NRG3: variants seen among roughly 807,000 people sequenced by gnomAD.
The protein encoded by NRG3 is neuregulin 3, also known as pro-neuregulin-3, membrane-bound isoform.
NRG3 carries 31 observed loss-of-function variants against 66.9 expected under a neutral mutation model. That is an observed-to-expected ratio of 0.46 (90% confidence interval 0.35 to 0.63). The LOEUF is 0.63. Ranked by LOEUF, NRG3 falls within the 20% of genes least tolerant of loss-of-function variation. NRG3 has a pLI of 0.00. For missense variants in NRG3, 910 were observed against 878.9 expected (o/e 1.04, Z -0.45); for synonymous variants, 393 against 359.4 (o/e 1.09, Z -1.06).
intron 2 of NRG3, among the ~76,000 whole-genome samples, chr10:82,684,687 G>C (rs2054372334): frequency 6.6e-6 from 1 of 152,080 alleles, no homozygotes; most frequent in Non-Finnish European, 1.5e-5. Context: ...GTAATTAATG[G>C]AGTACAACAC....
At chr10:82,915,164 C>T (rs1445176167) in intron 4 of NRG3, among the ~76,000 whole-genome samples, 1 of 152,208 alleles carries the variant, frequency 6.6e-6, no homozygotes, top group East Asian at 1.9e-4. Flanking sequence ...TTTCTGACTC[C>T]AGCAATGGCT....
chr10:82,506,660 T>C (rs903872225), intron 2 of NRG3, among the ~76,000 whole-genome samples: 1 of 152,120 alleles, frequency 6.6e-6, no homozygotes, highest in African/African-American at 2.4e-5. Context: ...TCTAAATAAA[T>C]CAGCTGTGGA....
At chr10:82,457,918 T>C (rs1453714383) in intron 2 of NRG3, among the ~76,000 whole-genome samples, 3 of 152,192 alleles carry the variant, frequency 2.0e-5, no homozygotes. Context: ...TAGCACCCAC[T>C]GTGGGGTTAC....
intron 2 of NRG3, among the ~76,000 whole-genome samples, chr10:82,628,454 T>A (rs1395056291): frequency 1.3e-5 from 2 of 152,178 alleles, no homozygotes; most frequent in African/African-American, 2.4e-5. Flanking sequence ...GAGTTGGCTC[T>A]CACCATCCCA....
chr10:82,714,851 T>A lies in NRG3; in HGVS notation c.954-23726T>A, dbSNP rs116387198. ...GCCATGACACAGAGAAAAGTCCACA[T>A]CTATTGATTATTAAAAAGAAGGTAG... On this transcript the variant is annotated intron_variant, in intron 2 of 8. Coordinates refer to ENST00000372141, the MANE Select transcript of NRG3 (RefSeq NM_001010848.4). 6.6e-3 allele frequency among the ~76,000 whole-genome samples: 1,012 copies of A among 152,322 alleles called. 9 individuals carry two copies. Among genetic ancestry groups the A allele is most frequent in the African/African-American group, 0.023 (974 of 41,568 alleles).
intron 1 of NRG3, among the ~76,000 whole-genome samples, chr10:81,886,647 A>G (rs540229567): frequency 6.6e-6 from 1 of 152,278 alleles, no homozygotes; most frequent in African/African-American, 2.4e-5. Flanking sequence ...TGAGCTCTAT[A>G]ACCAAATATT....
intron 1 of NRG3, among the ~76,000 whole-genome samples, chr10:82,315,832 G>C (rs2081265626): frequency 6.6e-6 from 1 of 151,808 alleles, no homozygotes; most frequent in Non-Finnish European, 1.5e-5. Flanking sequence ...CACCCGGCTA[G>C]TTTTTATATT....
intron 1 of NRG3, among the ~76,000 whole-genome samples, chr10:82,011,635 G>A (rs990487897): frequency 1.1e-4 from 17 of 152,132 alleles, no homozygotes; most frequent in African/African-American, 1.7e-4. Flanking sequence ...AAACAATGGT[G>A]GTGCAGGCAT....
chr10:82,144,253 C>T lies in NRG3; in HGVS notation c.824-214486C>T, dbSNP rs140294759. Among the ~76,000 whole-genome samples the T allele has an allele frequency of 4.6e-5, 7 of 152,258 alleles. No homozygotes were observed. The East Asian group carries it at 1.2e-3, about 25-fold the overall frequency. ...TGTGGTTGATTTAAGGTATGTGAAA[C>T]AAGCATTCATCTGTTCCACATCATG... On this transcript the variant is annotated intron_variant, in intron 1 of 8. Coordinates refer to ENST00000372141, the MANE Select transcript of NRG3 (RefSeq NM_001010848.4).
intron 1 of NRG3, among the ~76,000 whole-genome samples, chr10:82,016,776 T>C (rs2061805238): frequency 6.6e-6 from 1 of 152,162 alleles, no homozygotes; most frequent in Non-Finnish European, 1.5e-5. Flanking sequence ...AGCCATTGAA[T>C]TGTTTACTGA....
intron 1 of NRG3, among the ~76,000 whole-genome samples, chr10:82,066,382 C>CGTGTAAA (rs2064465728): frequency 7.0e-6 from 1 of 142,492 alleles, no homozygotes. Flanking sequence ...AATGTACACT[C>CGTGTAAA]TGTCTATCAG....
intron 2 of NRG3, among the ~76,000 whole-genome samples, chr10:82,479,710 G>A (rs547595963): frequency 3.2e-4 from 47 of 148,102 alleles, no homozygotes; most frequent in South Asian, 6.4e-4. Context: ...GCTCATGCCT[G>A]TAATCCCAGC....
intron 1 of NRG3, among the ~76,000 whole-genome samples, chr10:82,287,793 T>G (rs148656787): frequency 6.6e-6 from 1 of 152,140 alleles, no homozygotes; most frequent in Admixed American, 6.5e-5. Context: ...CTTGAGACTT[T>G]GGTCCCGACC....
At chr10:82,650,797 CAG>C (rs1172366959) in intron 2 of NRG3, among the ~76,000 whole-genome samples, 1 of 152,076 alleles carries the variant, frequency 6.6e-6, no homozygotes, top group Admixed American at 6.6e-5. Context: ...AATGGAAAAA[CAG>C]AAAGATTCAG....
chr10:82,466,777 A>C (rs181235492), intron 2 of NRG3, among the ~76,000 whole-genome samples: 196 of 152,194 alleles, frequency 1.3e-3, no homozygotes, highest in African/African-American at 4.6e-3. Flanking sequence ...CCTCAGGTTA[A>C]ATAAACGATG....
chr10:82,299,952 A>C (rs1253109668), intron 1 of NRG3, among the ~76,000 whole-genome samples: 1 of 152,200 alleles, frequency 6.6e-6, no homozygotes, highest in South Asian at 2.1e-4. Context: ...GGCTCGGCCT[A>C]AAGTGTAAAC....
At chr10:82,132,297 T>C (rs1178231384) in intron 1 of NRG3, among the ~76,000 whole-genome samples, 1 of 151,000 alleles carries the variant, frequency 6.6e-6, no homozygotes, top group East Asian at 1.9e-4. Flanking sequence ...AATAATCATA[T>C]GGTTTTTGTT....
At chr10:82,090,206 A>G (rs1029627680) in intron 1 of NRG3, among the ~76,000 whole-genome samples, 1 of 152,196 alleles carries the variant, frequency 6.6e-6, no homozygotes, top group African/African-American at 2.4e-5. Context: ...CAAGACTACT[A>G]TATTTTTTAT....
chr10:82,933,822 C>T (rs1012751100), intron 4 of NRG3, among the ~76,000 whole-genome samples: 1 of 151,970 alleles, frequency 6.6e-6, no homozygotes, highest in Non-Finnish European at 1.5e-5. Context: ...GGCATATGAT[C>T]GTTTTGAAAT....
Sources: allele counts gnomAD v4.1 joint callset (sites outside exome capture counted in the v4.1 genomes callset), GRCh38; gene constraint gnomAD v4.1.1; transcripts MANE v1.5; gene names NCBI Gene and HGNC (gene_info 2026-07-23, HGNC 2026-07-21).